The following ARHGAP44 variants were observed in gnomAD, a reference collection of about 807,000 sequenced individuals.
ARHGAP44 encodes rho GTPase-activating protein 44.
ARHGAP44 carries 43 observed loss-of-function variants against 106.8 expected under a neutral mutation model. That is an observed-to-expected ratio of 0.40 (90% CI 0.32 to 0.52). The LOEUF (loss-of-function observed/expected upper bound fraction) is 0.52. Ranked by LOEUF, ARHGAP44 falls within the 20% of genes least tolerant of loss-of-function variation. The pLI is 0.48. For missense variants in ARHGAP44, 866 were observed against 1,050.5 expected, an observed-to-expected ratio of 0.82 and a Z score of 2.43; for synonymous variants, 439 against 410.3, an observed-to-expected ratio of 1.07 and a Z score of -0.85.
chr17:12,960,765 T>A (rs762773707), intron 16 of ARHGAP44, among the ~76,000 whole-genome samples: 4 of 152,004 alleles, frequency 2.6e-5, no homozygotes, highest in Non-Finnish European at 4.4e-5. Flanking sequence ...GGTTTTACCA[T>A]GTTGGCCAGG....
In ARHGAP44 at chr17:12,991,465, G is replaced by C. The variant is rs1200096104; in HGVS notation, c.*1294G>C. 1 of 171,046 alleles carries C rather than the reference G, an allele frequency of 5.8e-6. No individual in the cohort carries two copies. The highest frequency in any genetic ancestry group is 1.1e-4 in the East Asian group (1 of 9,130). 10.6% of individuals were successfully genotyped at this position (171,046 alleles called of 1,614,324 possible). A position where few individuals can be genotyped will look rare whatever the true frequency, so the allele number is the denominator to read the frequency against. Reference sequence around the variant, plus strand: ...ACAGTGTAAAGTCACCCTCCTCTGAGAGTGGGATGTGCAGAGTTTTGATGT... The same window carrying C: ...ACAGTGTAAAGTCACCCTCCTCTGACAGTGGGATGTGCAGAGTTTTGATGT... On this transcript the variant is annotated 3_prime_UTR_variant, in exon 21 of 21. Coordinates refer to ENST00000379672, the MANE Select transcript of ARHGAP44 (RefSeq NM_014859.6).
At chr17:12,841,635 C>CAAAAAAAA (rs1232144002) in intron 1 of ARHGAP44, among the ~76,000 whole-genome samples, 20 of 87,832 alleles carry the variant, frequency 2.3e-4, no homozygotes, top group African/African-American at 7.9e-4. Context: ...CACACACACA[C>CAAAAAAAA]ACACAAACAA....
intron 3 of ARHGAP44, among the ~76,000 whole-genome samples, chr17:12,903,083 TGAGAGAGAGAGAGAGA>T (rs67363604): frequency 1.2e-3 from 86 of 70,124 alleles, no homozygotes; most frequent in Non-Finnish European, 1.7e-3. Context: ...AGGGAATATA[TGAGAGAGAGAGAGAGA>T]GAGAGAGAGA....
chr17:12,944,217 A>ACGC (rs1368757470), intron 10 of ARHGAP44, 21 bp downstream of exon 10: 2 of 1,579,458 alleles, frequency 1.3e-6, no homozygotes, highest in African/African-American at 2.7e-5. Context: ...GCACAGCCAC[A>ACGC]CGCCGCCCCG....
intron 5 of ARHGAP44, among the ~76,000 whole-genome samples, chr17:12,919,225 C>T (rs2038002343): frequency 6.6e-6 from 1 of 151,960 alleles, no homozygotes; most frequent in Admixed American, 6.6e-5. Context: ...ACAATGTGTG[C>T]ATATGAAACC....
chr17:12,837,888 T>G (rs2035284346), intron 1 of ARHGAP44, among the ~76,000 whole-genome samples: 2 of 152,164 alleles, frequency 1.3e-5, no homozygotes, highest in African/African-American at 4.8e-5. Flanking sequence ...ATCAGCATTA[T>G]AATCTCATAT....
chr17:12,914,222 A>G (rs1598045329), intron 4 of ARHGAP44, among the ~76,000 whole-genome samples: 2 of 152,316 alleles, frequency 1.3e-5, no homozygotes, highest in East Asian at 3.9e-4. Context: ...TAAAACCAGA[A>G]GGAGATAATA....
intron 3 of ARHGAP44, among the ~76,000 whole-genome samples, chr17:12,908,443 C>T (rs543453430): frequency 7.2e-5 from 11 of 152,184 alleles, no homozygotes; most frequent in East Asian, 5.8e-4. Context: ...GTGATCCACC[C>T]GCCTCGGCCT....
intron 1 of ARHGAP44, among the ~76,000 whole-genome samples, chr17:12,822,075 G>T (rs2034786975): frequency 6.6e-6 from 1 of 152,174 alleles, no homozygotes; most frequent in African/African-American, 2.4e-5. Context: ...GAGAGTCTGA[G>T]CCTGGATTTG....
intron 1 of ARHGAP44, among the ~76,000 whole-genome samples, chr17:12,809,645 G>A (rs907724621): frequency 2.6e-5 from 4 of 152,308 alleles, no homozygotes; most frequent in African/African-American, 9.6e-5. Context: ...TGAGATTTGG[G>A]TGGGGACACA....
chr17:12,932,748 C>T (rs1252369550), intron 7 of ARHGAP44, among the ~76,000 whole-genome samples: 3 of 151,314 alleles, frequency 2.0e-5, no homozygotes, highest in Middle Eastern at 3.4e-3. Context: ...GTTATGCCAG[C>T]ATCATTTGTT....
chr17:12,798,815 A>G (rs1393094003), intron 1 of ARHGAP44, among the ~76,000 whole-genome samples: 4 of 152,172 alleles, frequency 2.6e-5, no homozygotes, highest in African/African-American at 9.7e-5. Flanking sequence ...TTTGAAGATA[A>G]AAACAACTTT....
chr17:12,822,783 C>A (rs2034809092), intron 1 of ARHGAP44, among the ~76,000 whole-genome samples: 1 of 152,186 alleles, frequency 6.6e-6, no homozygotes, highest in South Asian at 2.1e-4. Flanking sequence ...ATGCACATGT[C>A]TGACTCTGAG....
chr17:12,931,879 CAT>C (rs1197640006), intron 7 of ARHGAP44, among the ~76,000 whole-genome samples: 14 of 139,256 alleles, frequency 1.0e-4, no homozygotes, highest in Non-Finnish European at 1.6e-4. Flanking sequence ...CACACACACA[CAT>C]ATCATGATTT....
At chr17:12,955,702 C>T (rs902543558) in intron 13 of ARHGAP44, 165 bp from the exon 14 acceptor site, 15 of 545,712 alleles carry the variant, frequency 2.7e-5, no homozygotes, top group Non-Finnish European at 4.0e-5. Context: ...AAAGAGGATG[C>T]AGAATTTCCA....
intron 1 of ARHGAP44, among the ~76,000 whole-genome samples, chr17:12,873,954 A>AAAT (rs1567661655): frequency 1.5e-4 from 21 of 137,766 alleles, no homozygotes; most frequent in African/African-American, 7.0e-4. Context: ...AATAAATAAA[A>AAAT]GAAAGAAAGA....
intron 1 of ARHGAP44, among the ~76,000 whole-genome samples, chr17:12,830,617 C>T (rs890555765): frequency 1.2e-4 from 19 of 152,148 alleles, no homozygotes; most frequent in Non-Finnish European, 5.9e-5. Flanking sequence ...GCCTTGCGAC[C>T]TTAGGCAAGT....
At chr17:12,833,953 A>T (rs1389710258) in intron 1 of ARHGAP44, among the ~76,000 whole-genome samples, 3 of 143,672 alleles carry the variant, frequency 2.1e-5, no homozygotes, top group Admixed American at 7.0e-5. Context: ...TAGATTGTGA[A>T]TTTTTTTTTT....
intron 4 of ARHGAP44, among the ~76,000 whole-genome samples, chr17:12,912,633 T>G (rs2037773066): frequency 6.6e-6 from 1 of 152,176 alleles, no homozygotes; most frequent in Admixed American, 6.5e-5. Context: ...CTCACCATCA[T>G]GTATACTGGT....
Sources: gnomAD v4.1 joint callset for allele counts (sites outside exome capture counted in the v4.1 genomes callset) on GRCh38, gnomAD v4.1.1 for gene constraint, MANE v1.5 for transcripts, NCBI Gene and HGNC (gene_info 2026-07-23, HGNC 2026-07-21) for gene names.